Variants in SCAPER observed in about 807,000 individuals in gnomAD.
The protein encoded by SCAPER is S-phase cyclin A associated protein in the ER.
In SCAPER, 98 loss-of-function variants were observed where a neutral mutation model predicts 182.2. That is an observed-to-expected ratio of 0.54 (90% CI 0.46 to 0.64). SCAPER has a LOEUF of 0.64. SCAPER is among the 30% of genes least tolerant of loss of function. SCAPER has a pLI of 0.00. For synonymous variants in SCAPER, 605 were observed against 564.6 expected, an observed-to-expected ratio of 1.07 and a Z score of -1.01; for missense variants, 1,432 against 1,690.0, an observed-to-expected ratio of 0.85 and a Z score of 2.68.
chr15:76,536,678 C>A (rs923248838), intron 23 of SCAPER, among the ~76,000 whole-genome samples: 5 of 152,024 alleles, frequency 3.3e-5, no homozygotes, highest in South Asian at 2.1e-4. Context: ...CCCTCTCTCA[C>A]CACTCCTATT....
At chr15:76,646,803 A>T (rs1421684022) in intron 21 of SCAPER, among the ~76,000 whole-genome samples, 1 of 152,198 alleles carries the variant, frequency 6.6e-6, no homozygotes, top group Non-Finnish European at 1.5e-5. Flanking sequence ...ACACATATCC[A>T]GTTTAAAATA....
intron 25 of SCAPER, among the ~76,000 whole-genome samples, chr15:76,461,450 C>T (rs2142969552): frequency 6.6e-6 from 1 of 151,656 alleles, no homozygotes; most frequent in African/African-American, 2.4e-5. Flanking sequence ...TGATTCTCTC[C>T]TGCAATATTT....
intron 25 of SCAPER, among the ~76,000 whole-genome samples, chr15:76,450,884 T>C (rs1305355075): frequency 3.9e-5 from 6 of 152,234 alleles, no homozygotes; most frequent in African/African-American, 4.8e-5. Context: ...ATACATTTTA[T>C]TGTAAAATGC....
chr15:76,680,309 A>G (rs891557120), intron 20 of SCAPER, among the ~76,000 whole-genome samples: 2 of 151,980 alleles, frequency 1.3e-5, no homozygotes, highest in Admixed American at 6.6e-5. Context: ...CTAACACAAC[A>G]GAAAAGAAAG....
chr15:76,633,799 T>C (rs2053362827), intron 21 of SCAPER, among the ~76,000 whole-genome samples: 1 of 152,242 alleles, frequency 6.6e-6, no homozygotes, highest in African/African-American at 2.4e-5. Flanking sequence ...AACAGCTGAC[T>C]GGAGCCACAG....
chr15:76,359,011 G>C (rs1431036860), intron 29 of SCAPER, among the ~76,000 whole-genome samples: 1 of 152,222 alleles, frequency 6.6e-6, no homozygotes, highest in Non-Finnish European at 1.5e-5. Flanking sequence ...TTTATAAAAT[G>C]AGGGTAGATG....
At chr15:76,392,852 G>C (rs1374472242) in intron 27 of SCAPER, among the ~76,000 whole-genome samples, 1 of 152,176 alleles carries the variant, frequency 6.6e-6, no homozygotes, top group African/African-American at 2.4e-5. Flanking sequence ...CCTAGAGCCA[G>C]TGAGAATCTG....
chr15:76,757,549 G>A (rs988050146), intron 14 of SCAPER, among the ~76,000 whole-genome samples: 1 of 151,766 alleles, frequency 6.6e-6, no homozygotes, highest in South Asian at 2.1e-4. Flanking sequence ...TGGCTATTAC[G>A]AATAATGTTA....
chr15:76,644,567 T>G (rs2054382624), intron 21 of SCAPER, among the ~76,000 whole-genome samples: 1 of 151,888 alleles, frequency 6.6e-6, no homozygotes, highest in Non-Finnish European at 1.5e-5. Flanking sequence ...TCTTGAGTCT[T>G]CACTAATTTT....
intron 5 of SCAPER, among the ~76,000 whole-genome samples, chr15:76,833,225 C>T (rs901663281): frequency 3.3e-5 from 5 of 152,170 alleles, no homozygotes; most frequent in African/African-American, 4.8e-5. Context: ...CTTATATTCA[C>T]TATCCTTAAT....
chr15:76,379,236 A>C (rs1224281564), intron 28 of SCAPER, among the ~76,000 whole-genome samples: 1 of 152,174 alleles, frequency 6.6e-6, no homozygotes, highest in Non-Finnish European at 1.5e-5. Flanking sequence ...AGCTAGGAAG[A>C]GAATGAGAAA....
chr15:76,482,137 T>C (rs1052305690), intron 24 of SCAPER, among the ~76,000 whole-genome samples: 2 of 152,164 alleles, frequency 1.3e-5, no homozygotes, highest in South Asian at 4.1e-4. Context: ...CATCAAAGGT[T>C]CACTCTTCAA....
At chr15:76,397,929 C>A (rs1179939803) in intron 27 of SCAPER, among the ~76,000 whole-genome samples, 1 of 152,134 alleles carries the variant, frequency 6.6e-6, no homozygotes, top group Non-Finnish European at 1.5e-5. Context: ...ATTGCCGTTA[C>A]CACATCTCAG....
At chr15:76,653,841 A>T (rs1389708443) in intron 21 of SCAPER, among the ~76,000 whole-genome samples, 1 of 152,232 alleles carries the variant, frequency 6.6e-6, no homozygotes, top group Admixed American at 6.5e-5. Context: ...CAACAAAAAC[A>T]AGAATAAGCA....
chr15:76,743,566 G>T (rs1340411658), intron 15 of SCAPER, among the ~76,000 whole-genome samples: 1 of 151,772 alleles, frequency 6.6e-6, no homozygotes, highest in Non-Finnish European at 1.5e-5. Context: ...AAAGAAAATG[G>T]AATACCTAGG....
chr15:76,805,362 T>C (rs2066074882), intron 5 of SCAPER, among the ~76,000 whole-genome samples: 1 of 152,148 alleles, frequency 6.6e-6, no homozygotes, highest in African/African-American at 2.4e-5. Flanking sequence ...AGCTGCTGCA[T>C]CATTTTACAT....
chr15:76,508,067 C>T (rs1479438475), intron 23 of SCAPER, among the ~76,000 whole-genome samples: 1 of 150,762 alleles, frequency 6.6e-6, no homozygotes, highest in African/African-American at 2.5e-5. Flanking sequence ...ATCCCTTGTG[C>T]CCATCTTATT....
intron 4 of SCAPER, among the ~76,000 whole-genome samples, chr15:76,849,988 A>C (rs747995873): frequency 6.6e-6 from 1 of 152,144 alleles, no homozygotes; most frequent in African/African-American, 2.4e-5. Context: ...CTCACTCACT[A>C]TCACGAGAAC....
intron 2 of SCAPER, among the ~76,000 whole-genome samples, chr15:76,882,380 A>C (rs2073603000): frequency 6.6e-6 from 1 of 151,678 alleles, no homozygotes; most frequent in South Asian, 2.1e-4. Context: ...TGACAGAGAG[A>C]CTCTGTCTCC....
Sources: gnomAD v4.1 joint callset for allele counts (sites outside exome capture counted in the v4.1 genomes callset) on GRCh38, gnomAD v4.1.1 for gene constraint, MANE v1.5 for transcripts, NCBI Gene and HGNC (gene_info 2026-07-23, HGNC 2026-07-21) for gene names.